Variants in PEAK1 observed in about 807,000 individuals in gnomAD.
PEAK1 encodes pseudopodium enriched atypical kinase 1.
PEAK1 carries 54 observed loss-of-function variants against 124.7 expected under a neutral mutation model. The ratio of observed to expected loss-of-function variants is 0.43; its 90% CI spans 0.35 to 0.54. The LOEUF (loss-of-function observed/expected upper bound fraction) is 0.54, where lower values mean the gene tolerates loss of function less well. PEAK1 is among the 20% of genes least tolerant of loss of function. The pLI, the probability that PEAK1 is intolerant of heterozygous loss-of-function variation, is 0.01. For missense variants in PEAK1, 2,046 were observed against 2,134.5 expected (o/e 0.96, Z 0.82); for synonymous variants, 719 against 760.0 (o/e 0.95, Z 0.89).
At chr15:77,413,551 CA>C (rs1455732242) in intron 1 of PEAK1, among the ~76,000 whole-genome samples, 1 of 152,002 alleles carries the variant, frequency 6.6e-6, no homozygotes, top group East Asian at 1.9e-4. Flanking sequence ...GAACATTCTA[CA>C]AAATACTTGT....
chr15:77,275,711 A>T (rs1217878806), intron 5 of PEAK1, among the ~76,000 whole-genome samples: 7 of 151,974 alleles, frequency 4.6e-5, no homozygotes, highest in Non-Finnish European at 8.8e-5. Context: ...CTGTCTCAAA[A>T]AAATAAATAA....
chr15:77,417,849 T>C (rs1159883116), intron 1 of PEAK1: 28 of 985,362 alleles, frequency 2.8e-5, no homozygotes, highest in African/African-American at 8.7e-5. Context: ...TTATAGCTGA[T>C]GCTTATTTGG....
rs550522711 is a variant in PEAK1 at position 77,412,619 on chromosome 15, T to C, written c.-666+7387A>G. ...TTGTACATGGATACGTGGATTAGTA[T>C]ACATACATGCATTTCCTAGTTCTTT... is the stretch of plus-strand genomic sequence containing the variant. On this transcript the variant is annotated intron_variant, in intron 1 of 9. Coordinates refer to ENST00000682557, the MANE Select transcript of PEAK1 (RefSeq NM_001385026.1). 8.5e-5 allele frequency among the ~76,000 whole-genome samples: 13 copies of C among 152,348 alleles called. 1 individual carries two copies. The South Asian group carries it at 2.5e-3, about 29-fold the overall frequency.
At chr15:77,352,916 C>T in intron 2 of PEAK1, 1 of 985,218 alleles carries the variant, frequency 1.0e-6, no homozygotes, top group Non-Finnish European at 1.2e-6. Context: ...ATTTGCTATA[C>T]ACAAATGAGC....
At chr15:77,137,963 TAGTG>T (rs1404526111) in intron 8 of PEAK1, among the ~76,000 whole-genome samples, 4 of 152,190 alleles carry the variant, frequency 2.6e-5, no homozygotes, top group African/African-American at 7.2e-5. Context: ...GTTCTCATGA[TAGTG>T]AGTAAGTCTC....
At chr15:77,165,890 TG>T (rs768665579) in intron 7 of PEAK1, among the ~76,000 whole-genome samples, 1 of 152,198 alleles carries the variant, frequency 6.6e-6, no homozygotes. Context: ...GTGGTAGAGT[TG>T]GGATCTGAAT....
At chr15:77,330,925 G>T in intron 2 of PEAK1, 1 of 674,632 alleles carries the variant, frequency 1.5e-6, no homozygotes, top group South Asian at 6.7e-5. Context: ...CTATCTCTTG[G>T]TTCCAAAACA....
intron 6 of PEAK1, among the ~76,000 whole-genome samples, chr15:77,185,461 G>C (rs2057496014): frequency 6.6e-6 from 1 of 152,208 alleles, no homozygotes; most frequent in African/African-American, 2.4e-5. Context: ...ACAGAAGCCA[G>C]ATGAGGAAAT....
chr15:77,168,576 C>G (rs757649903), intron 7 of PEAK1, among the ~76,000 whole-genome samples: 2 of 152,168 alleles, frequency 1.3e-5, no homozygotes, highest in African/African-American at 2.4e-5. Flanking sequence ...TTGGATCTGG[C>G]CCATCGGCCA....
At chr15:77,369,743 G>A (rs1430127415) in intron 1 of PEAK1, among the ~76,000 whole-genome samples, 1 of 151,402 alleles carries the variant, frequency 6.6e-6, no homozygotes, top group African/African-American at 2.5e-5. Context: ...ACTGTGCCAT[G>A]GCATCATAGT....
At chr15:77,160,962 ATAGTG>A (rs2055583414) in intron 7 of PEAK1, among the ~76,000 whole-genome samples, 2 of 152,340 alleles carry the variant, frequency 1.3e-5, no homozygotes, top group Non-Finnish European at 2.9e-5. Flanking sequence ...AAGCTCAGTT[ATAGTG>A]AAAACCACAG....
chr15:77,342,156 TAAA>T (rs34828008), intron 2 of PEAK1, among the ~76,000 whole-genome samples: 233 of 140,310 alleles, frequency 1.7e-3, no homozygotes, highest in South Asian at 2.5e-3. Context: ...TTCATTATGG[TAAA>T]AAAAAAAAAA....
chr15:77,103,500 T>A (rs2152701513), downstream of PEAK1: 1 of 152,144 alleles, frequency 6.6e-6, no homozygotes, highest in East Asian at 1.9e-4. Context: ...CTAATTTTTG[T>A]AAGAGAGTGG....
rs2051198789 is a variant in PEAK1 at position 77,114,701 on chromosome 15, C to T, written c.4696G>A (p.Val1566Met). 2 of 1,613,590 alleles carry T rather than the reference C, an allele frequency of 1.2e-6. No individual in the cohort carries two copies. Among genetic ancestry groups the T allele is most frequent in the Non-Finnish European group, 1.7e-6 (2 of 1,179,984 alleles). ...TGGTCCCGGAGGATCTCGGGGTCCACCAGATGGCTCTTCTGCTTGGCCTGA... is the reference window on the plus strand; with the variant it reads ...TGGTCCCGGAGGATCTCGGGGTCCATCAGATGGCTCTTCTGCTTGGCCTGA... ...FSQAKQKSHL[V>M]DPEILRDQSR... Residue 1566 changes from valine to methionine, a missense_variant, in exon 10 of 10, where the codon GTG becomes ATG. Val to Met is a conservative substitution (Grantham distance 21). Transcript: ENST00000682557.
At position 77,419,630 on chromosome 15, in the gene PEAK1, C is replaced by A. The variant is rs779852060; in HGVS notation, c.-666+376G>T. ...CCGGCCTCCCCGCGTCCAGCTCCTC[C>A]AGGCTTCACTTTCCCCCGCAACCTC... On this transcript the variant is annotated intron_variant, in intron 1 of 9. Transcript: ENST00000682557. 3,246 of 985,216 alleles carry A rather than the reference C, an allele frequency of 3.3e-3. 5 individuals are homozygous for A. Among genetic ancestry groups the A allele is most frequent in the Non-Finnish European group, 3.7e-3 (3,064 of 829,850 alleles). 61.0% of individuals were successfully genotyped at this position (985,216 alleles called of 1,614,324 possible). A position where few individuals can be genotyped will look rare whatever the true frequency, so the allele number is the denominator to read the frequency against.
chr15:77,190,851 C>T (rs772242695), intron 6 of PEAK1, among the ~76,000 whole-genome samples: 1 of 152,164 alleles, frequency 6.6e-6, no homozygotes, highest in Non-Finnish European at 1.5e-5. Flanking sequence ...GCTCCTTACC[C>T]ACACAGTAAG....
chr15:77,338,890 A>G (rs2066363586), intron 2 of PEAK1, among the ~76,000 whole-genome samples: 1 of 151,992 alleles, frequency 6.6e-6, no homozygotes, highest in Non-Finnish European at 1.5e-5. Context: ...TTTAAATTAA[A>G]ATGTTTTTCC....
intron 6 of PEAK1, among the ~76,000 whole-genome samples, chr15:77,248,138 C>T (rs2060680896): frequency 1.3e-5 from 2 of 151,824 alleles, no homozygotes; most frequent in African/African-American, 4.8e-5. Flanking sequence ...CTCAAGTGAT[C>T]CTCTCACTTT....
intron 2 of PEAK1, among the ~76,000 whole-genome samples, chr15:77,293,831 C>A (rs1489353481): frequency 2.0e-5 from 3 of 152,050 alleles, no homozygotes; most frequent in Non-Finnish European, 4.4e-5. Context: ...AATTGAAGCT[C>A]TGATTTATGT....
Sources: allele counts gnomAD v4.1 joint callset (sites outside exome capture counted in the v4.1 genomes callset), GRCh38; gene constraint gnomAD v4.1.1; transcripts MANE v1.5; gene names NCBI Gene and HGNC (gene_info 2026-07-23, HGNC 2026-07-21).